RTN4: variants seen among roughly 807,000 people sequenced by gnomAD.
The protein encoded by RTN4 is reticulon-4.
Under a neutral mutation model 90.4 loss-of-function variants are expected in RTN4, and 32 were observed. The observed-to-expected ratio is 0.35, with a 90% CI of 0.27 to 0.48. The LOEUF (loss-of-function observed/expected upper bound fraction) is 0.48, where lower values mean the gene tolerates loss of function less well. Among genes scored for constraint, RTN4 ranks in the 20% least tolerant of loss-of-function variants. The pLI is 0.99. For missense variants in RTN4, 1,706 were observed against 1,430.2 expected, an observed-to-expected ratio of 1.19 and a Z score of -3.11; for synonymous variants, 629 against 552.5, an observed-to-expected ratio of 1.14 and a Z score of -1.94.
the RTN4 span, among the ~76,000 whole-genome samples, chr2:55,125,069 A>T: frequency 1.3e-5 from 2 of 152,234 alleles, no homozygotes; most frequent in African/African-American, 2.4e-5. Context: ...CAATTCAATA[A>T]TGCAGACTGC....
the RTN4 span, among the ~76,000 whole-genome samples, chr2:55,128,201 A>G: frequency 6.6e-6 from 1 of 152,142 alleles, no homozygotes; most frequent in Non-Finnish European, 1.5e-5. Context: ...GCATGTCCTC[A>G]AAACTACTCC....
At position 55,009,107 on chromosome 2, in the gene RTN4, T is replaced by C. The variant is rs141763360; in HGVS notation, c.3013+15979A>G. Among the ~76,000 whole-genome samples, 1,464 of 152,260 alleles carry C rather than the reference T, an allele frequency of 9.6e-3. 11 individuals are homozygous for C. Among genetic ancestry groups the C allele is most frequent in the Middle Eastern group, 0.014 (4 of 294 alleles). ...TGAACAAATTTTTAAAAAGACATTGTAAAAGTTACTGTAATTAGCTCTACA... is the reference window on the plus strand; with the variant it reads ...TGAACAAATTTTTAAAAAGACATTGCAAAAGTTACTGTAATTAGCTCTACA... On this transcript the variant is annotated intron_variant, in intron 3 of 8. Coordinates refer to ENST00000337526, the MANE Select transcript of RTN4 (RefSeq NM_020532.5).
At chr2:55,107,403 C>CAAAAAA (rs35664699) in intron 1 of RTN4, among the ~76,000 whole-genome samples, 124 of 101,204 alleles carry the variant, frequency 1.2e-3, no homozygotes, top group African/African-American at 4.9e-3. Flanking sequence ...GACTGAACCT[C>CAAAAAA]AAAAAAAAAA....
chr2:55,094,532 A>G (rs1668998373), intron 1 of RTN4, among the ~76,000 whole-genome samples: 1 of 152,220 alleles, frequency 6.6e-6, no homozygotes, highest in Non-Finnish European at 1.5e-5. Context: ...TTTGAGTGGG[A>G]AAATACGCCA....
At chr2:55,104,960 C>G (rs2105060701) in intron 1 of RTN4, among the ~76,000 whole-genome samples, 1 of 152,022 alleles carries the variant, frequency 6.6e-6, no homozygotes, top group South Asian at 2.1e-4. Flanking sequence ...GAGCATACCA[C>G]TACGCCAGGC....
chr2:55,043,371 A>G (rs1473466945), intron 1 of RTN4, among the ~76,000 whole-genome samples: 1 of 152,220 alleles, frequency 6.6e-6, no homozygotes, highest in Non-Finnish European at 1.5e-5. Flanking sequence ...TTATACTTTT[A>G]TCCTGGGCTA....
chr2:55,028,245 T>G (rs1682052552), intron 1 of RTN4, 25 bp from the exon 2 acceptor site: 2 of 1,599,584 alleles, frequency 1.3e-6, no homozygotes. Flanking sequence ...GAATATAACC[T>G]CAGCAGAAAT....
intron 5 of RTN4, among the ~76,000 whole-genome samples, chr2:54,975,811 AAC>A (rs1677581116): frequency 1.3e-5 from 2 of 152,254 alleles, no homozygotes; most frequent in African/African-American, 4.8e-5. Context: ...TCTACCAAGC[AAC>A]AGTTCTACAA....
At chr2:55,068,456 G>A (rs1254524334) in intron 2 of RTN4, among the ~76,000 whole-genome samples, 13 of 152,014 alleles carry the variant, frequency 8.6e-5, no homozygotes, top group Admixed American at 6.6e-4. Flanking sequence ...CTAGGAAACT[G>A]TCATACTCAC....
intron 1 of RTN4, among the ~76,000 whole-genome samples, chr2:55,089,168 G>A (rs1668894164): frequency 6.6e-6 from 1 of 152,068 alleles, no homozygotes; most frequent in African/African-American, 2.4e-5. Context: ...GGAGTGCTGG[G>A]ATTACAGGCA....
At chr2:55,037,291 G>C (rs1317368671) in intron 1 of RTN4, among the ~76,000 whole-genome samples, 4 of 152,176 alleles carry the variant, frequency 2.6e-5, no homozygotes, top group African/African-American at 9.7e-5. Context: ...TGAGTGTCAG[G>C]AAACAGTTCT....
chr2:55,133,097 G>A, the RTN4 span, among the ~76,000 whole-genome samples: 45,257 of 151,698 alleles, frequency 0.3, 7,499 homozygotes, highest in African/African-American at 0.43. Context: ...TGTAATCCCA[G>A]CTACCTGGGA....
At chr2:55,065,284 A>T (rs534630767) in intron 2 of RTN4, among the ~76,000 whole-genome samples, 1 of 152,202 alleles carries the variant, frequency 6.6e-6, no homozygotes, top group Non-Finnish European at 1.5e-5. Context: ...GCTTTCTTAA[A>T]ATTGCACTCA....
intron 2 of RTN4, among the ~76,000 whole-genome samples, chr2:55,063,251 G>T (rs1037460262): frequency 6.6e-6 from 1 of 152,232 alleles, no homozygotes; most frequent in African/African-American, 2.4e-5. Flanking sequence ...ATAGAAGATA[G>T]TGGGCTTCTT....
chr2:55,018,740 A>G (rs1230529017), intron 3 of RTN4, among the ~76,000 whole-genome samples: 1 of 151,496 alleles, frequency 6.6e-6, no homozygotes, highest in Non-Finnish European at 1.5e-5. Context: ...TTTCTTAAGT[A>G]TGTATGTGTA....
At chr2:55,021,399 C>CT (rs938470632) in intron 3 of RTN4, among the ~76,000 whole-genome samples, 53 of 150,976 alleles carry the variant, frequency 3.5e-4, no homozygotes, top group African/African-American at 1.3e-3. Flanking sequence ...CTGCCCCCCC[C>CT]GCCAAAAAAA....
chr2:54,978,530 T>G (rs900488520), intron 5 of RTN4, among the ~76,000 whole-genome samples: 3 of 152,072 alleles, frequency 2.0e-5, no homozygotes, highest in Admixed American at 2.0e-4. Context: ...TTTGCATTTA[T>G]GAAGACAATG....
At chr2:55,057,287 G>A (rs1162594560) in intron 2 of RTN4, among the ~76,000 whole-genome samples, 4 of 152,208 alleles carry the variant, frequency 2.6e-5, no homozygotes. Flanking sequence ...TTTTGGAGGA[G>A]CTGAGAAATG....
At position 54,972,300 on chromosome 2, in the gene RTN4, T is replaced by TAATA. The variant is rs1553429244; in HGVS notation, c.*852_*855dup. ...ATGGTATAAATCTTCATTTTGTAAT[T>TAATA]AATAATTTCTTGCATAACAATGTTT... On this transcript the variant is annotated 3_prime_UTR_variant, in exon 9 of 9. Transcript: ENST00000337526. 3 of 152,760 alleles carry TAATA rather than the reference T, an allele frequency of 2.0e-5. No homozygotes were observed. Among genetic ancestry groups the TAATA allele is most frequent in the East Asian group, 1.9e-4 (1 of 5,188 alleles). 9.5% of individuals were successfully genotyped at this position (152,760 alleles called of 1,614,324 possible). A position where few individuals can be genotyped will look rare whatever the true frequency, so the allele number is the denominator to read the frequency against.
Sources: gnomAD v4.1 joint callset for allele counts (sites outside exome capture counted in the v4.1 genomes callset) on GRCh38, gnomAD v4.1.1 for gene constraint, MANE v1.5 for transcripts, NCBI Gene and HGNC (gene_info 2026-07-23, HGNC 2026-07-21) for gene names.